Variants in ZNF469 observed in about 807,000 individuals in gnomAD.
ZNF469 encodes zinc finger protein 469.
A neutral mutation model predicts 1.0 loss-of-function variants in ZNF469; 1 was observed. The ratio of observed to expected loss-of-function variants is 1.00; its 90% CI spans 0.35 to 4.73. The LOEUF is 4.73. Ranked by LOEUF, ZNF469 falls within the 30% of genes most tolerant of loss-of-function variation. The pLI is 0.16. For missense variants in ZNF469, 6,100 were observed against 5,356.3 expected (o/e 1.14, Z -4.33); for synonymous variants, 2,703 against 2,363.4 (o/e 1.14, Z -4.17).
Position 88,427,562 on chromosome 16 carries a change from C to G in ZNF469, c.92C>G (p.Ser31Cys). The G allele has an allele frequency of 6.5e-7, 1 of 1,537,066 alleles. No homozygotes were observed. The highest frequency in any genetic ancestry group is 8.7e-7 in the Non-Finnish European group (1 of 1,146,392). Residue 31 changes from serine to cysteine, a missense_variant, in exon 3 of 3, where the codon TCC becomes TGC. Coordinates refer to ENST00000565624, the MANE Select transcript of ZNF469 (RefSeq NM_001367624.2). ...RQVASSPGHPSQPPLEDNTPA... is the reference protein window; with the variant it reads ...RQVASSPGHPCQPPLEDNTPA... ...GTTGCCAGCAGCCCGGGGCACCCCT[C>G]CCAGCCGCCACTGGAGGACAACACC... is the stretch of plus-strand genomic sequence containing the variant.
the ZNF469 span, among the ~76,000 whole-genome samples, chr16:88,135,660 G>A: frequency 1.3e-5 from 2 of 151,246 alleles, no homozygotes; most frequent in East Asian, 1.9e-4. Context: ...CTGGGCATTC[G>A]GTTCCTCAGC....
At chr16:88,131,785 G>C in the ZNF469 span, among the ~76,000 whole-genome samples, 4 of 152,222 alleles carry the variant, frequency 2.6e-5, no homozygotes, top group Non-Finnish European at 5.9e-5. Context: ...GGACGGGTTT[G>C]GCTGTTGCCT....
the ZNF469 span, among the ~76,000 whole-genome samples, chr16:88,208,133 A>G: frequency 6.6e-6 from 1 of 151,852 alleles, no homozygotes; most frequent in African/African-American, 2.4e-5. Flanking sequence ...GTTATAATCC[A>G]TTGCCATCAT....
chr16:88,125,927 G>A, the ZNF469 span, among the ~76,000 whole-genome samples: 3 of 151,962 alleles, frequency 2.0e-5, no homozygotes, highest in African/African-American at 2.4e-5. Context: ...AGTGGCTCAC[G>A]CCTATAATCC....
chr16:88,114,143 G>T, the ZNF469 span, among the ~76,000 whole-genome samples: 1 of 150,878 alleles, frequency 6.6e-6, no homozygotes, highest in Non-Finnish European at 1.5e-5. Context: ...GGGGAGAACG[G>T]TAAGGGCCAC....
At chr16:88,298,015 T>C in the ZNF469 span, among the ~76,000 whole-genome samples, 26 of 152,206 alleles carry the variant, frequency 1.7e-4, no homozygotes, top group African/African-American at 6.0e-4. Flanking sequence ...ATTCCTGCAA[T>C]TGTCCCACAG....
the ZNF469 span, among the ~76,000 whole-genome samples, chr16:88,198,129 G>A: frequency 0.37 from 56,607 of 152,204 alleles, 12,421 homozygotes; most frequent in Non-Finnish European, 0.48. Context: ...TGTGTGCCCA[G>A]CCCTGGGGCT....
chr16:88,247,705 ATGAGTGAGTCAATGAGCGAG>A, the ZNF469 span, among the ~76,000 whole-genome samples: 5 of 151,924 alleles, frequency 3.3e-5, no homozygotes, highest in Non-Finnish European at 5.9e-5. Context: ...GAGTGAGTGA[ATGAGTGAGTCAATGAGCGAG>A]TGAGTGAGTC....
At chr16:88,329,467 GC>G in the ZNF469 span, among the ~76,000 whole-genome samples, 1 of 152,212 alleles carries the variant, frequency 6.6e-6, no homozygotes, top group Non-Finnish European at 1.5e-5. Context: ...GGGGCTGGGG[GC>G]TGCCTCCCGC....
intron 1 of ZNF469, among the ~76,000 whole-genome samples, chr16:88,401,713 AGATGGATG>A (rs1904872933): frequency 1.4e-5 from 1 of 70,900 alleles, no homozygotes; most frequent in Non-Finnish European, 2.9e-5. Context: ...ATATATGGGT[AGATGGATG>A]GGTGGATGGG....
chr16:88,265,779 A>G, the ZNF469 span, among the ~76,000 whole-genome samples: 1 of 152,218 alleles, frequency 6.6e-6, no homozygotes, highest in South Asian at 2.1e-4. Flanking sequence ...TCTCTCTCGC[A>G]GCCTCACTGG....
chr16:88,422,893 T>C lies in ZNF469; in HGVS notation c.-191-1914T>C, dbSNP rs55914501. On this transcript the variant is annotated intron_variant, in intron 1 of 2. Coordinates refer to ENST00000565624, the MANE Select transcript of ZNF469 (RefSeq NM_001367624.2). ...ATGAGTGAATGGATGGATGGATGGA[T>C]GGACGGACAGACGGACGGATGGGTG... Among the ~76,000 whole-genome samples, 395 of 41,132 alleles carry C rather than the reference T, an allele frequency of 9.6e-3. 3 individuals carry two copies. Among genetic ancestry groups the C allele is most frequent in the African/African-American group, 0.017 (341 of 20,244 alleles). The allele number at this position is 41,132 out of a possible 152,430, so 27.0% of individuals were successfully genotyped here.
At chr16:88,293,338 ATG>A in the ZNF469 span, among the ~76,000 whole-genome samples, 26 of 151,418 alleles carry the variant, frequency 1.7e-4, no homozygotes, top group African/African-American at 6.1e-4. Flanking sequence ...GGATGGATGG[ATG>A]GATGGATGGA....
At chr16:88,236,412 G>GT in the ZNF469 span, among the ~76,000 whole-genome samples, 18 of 152,264 alleles carry the variant, frequency 1.2e-4, no homozygotes, top group Non-Finnish European at 2.5e-4. Flanking sequence ...CAGTTTTAAT[G>GT]TGAGTGCTGG....
intron 1 of ZNF469, among the ~76,000 whole-genome samples, chr16:88,421,662 C>A (rs1473342506): frequency 6.6e-6 from 1 of 152,202 alleles, no homozygotes; most frequent in Non-Finnish European, 1.5e-5. Flanking sequence ...AGAGGCAGGG[C>A]CACCCCAGGA....
intron 1 of ZNF469, among the ~76,000 whole-genome samples, chr16:88,418,663 A>C (rs1810256642): frequency 6.6e-6 from 1 of 151,798 alleles, no homozygotes; most frequent in South Asian, 2.1e-4. Context: ...CAGGACGAAC[A>C]CCATTCCCCA....
chr16:88,372,241 A>G, the ZNF469 span, among the ~76,000 whole-genome samples: 37 of 150,680 alleles, frequency 2.5e-4, no homozygotes, highest in African/African-American at 7.6e-4. Flanking sequence ...CACCATCACC[A>G]TCACCATCAT....
At chr16:88,338,918 G>C in the ZNF469 span, among the ~76,000 whole-genome samples, 1 of 152,126 alleles carries the variant, frequency 6.6e-6, no homozygotes, top group African/African-American at 2.4e-5. Context: ...CTTCTGTATG[G>C]AGAGAACATT....
At chr16:88,390,043 C>T (rs531211902) in intron 1 of ZNF469, among the ~76,000 whole-genome samples, 1 of 152,194 alleles carries the variant, frequency 6.6e-6, no homozygotes, top group African/African-American at 2.4e-5. Context: ...CCCAAGGGAC[C>T]CACAGCTTTT....
Sources: allele counts gnomAD v4.1 joint callset (sites outside exome capture counted in the v4.1 genomes callset), GRCh38; gene constraint gnomAD v4.1.1; transcripts MANE v1.5; gene names NCBI Gene and HGNC (gene_info 2026-07-23, HGNC 2026-07-21).